The following OSTF1 variants were observed in gnomAD, a reference collection of about 807,000 sequenced individuals.
The protein encoded by OSTF1 is osteoclast stimulating factor 1, also known as osteoclast-stimulating factor 1.
A neutral mutation model predicts 37.2 loss-of-function variants in OSTF1; 27 were observed. That is an observed-to-expected ratio of 0.73 (90% CI 0.54 to 1.00). OSTF1 has a LOEUF of 1.00. Ranked by LOEUF, OSTF1 falls within the 50% of genes least tolerant of loss-of-function variation. OSTF1 has a pLI of 0.00. For missense variants in OSTF1, 232 were observed against 253.8 expected (o/e 0.91, Z 0.58); for synonymous variants, 82 against 89.2 (o/e 0.92, Z 0.46).
chr9:75,114,153 T>TTGTG (rs60557033), intron 1 of OSTF1, among the ~76,000 whole-genome samples: 7,888 of 150,574 alleles, frequency 0.052, 676 homozygotes, highest in African/African-American at 0.18. Flanking sequence ...TAGTATTCTA[T>TTGTG]TGTGTGTGTG....
chr9:75,136,886 C>T (rs1394320396), intron 7 of OSTF1, among the ~76,000 whole-genome samples: 1 of 152,184 alleles, frequency 6.6e-6, no homozygotes, highest in African/African-American at 2.4e-5. Flanking sequence ...AAGTGCCCTC[C>T]AGTCTCCTGC....
chr9:75,110,066 C>G (rs1479416475), intron 1 of OSTF1, among the ~76,000 whole-genome samples: 5 of 152,160 alleles, frequency 3.3e-5, no homozygotes, highest in Non-Finnish European at 5.9e-5. Flanking sequence ...ATTGATGAAT[C>G]TTCATTGATG....
chr9:75,095,363 G>A (rs1247037289), intron 1 of OSTF1, among the ~76,000 whole-genome samples: 1 of 152,156 alleles, frequency 6.6e-6, no homozygotes, highest in East Asian at 1.9e-4. Flanking sequence ...GTCTTAAACA[G>A]AAAAATCTCA....
intron 2 of OSTF1, among the ~76,000 whole-genome samples, chr9:75,122,810 A>C (rs1395363480): frequency 6.6e-6 from 1 of 152,274 alleles, no homozygotes; most frequent in South Asian, 2.1e-4. Context: ...TACGTGGCAC[A>C]TAATATATAC....
intron 1 of OSTF1, among the ~76,000 whole-genome samples, chr9:75,090,823 CA>C (rs2118357957): frequency 1.3e-5 from 2 of 152,176 alleles, no homozygotes; most frequent in South Asian, 4.1e-4. Flanking sequence ...GTACAAAAAA[CA>C]AAAACAGAAA....
At chr9:75,143,056 C>T (rs192146950) in intron 9 of OSTF1, among the ~76,000 whole-genome samples, 93 of 152,086 alleles carry the variant, frequency 6.1e-4, no homozygotes, top group African/African-American at 2.2e-3. Flanking sequence ...TCTCCTGCCT[C>T]AGCCTCCTGA....
At chr9:75,101,479 A>T (rs75727212) in intron 1 of OSTF1, among the ~76,000 whole-genome samples, 7,251 of 151,906 alleles carry the variant, frequency 0.048, 221 homozygotes, top group Middle Eastern at 0.082. Flanking sequence ...ACCTTTCTGA[A>T]CTCGTTTTCC....
At chr9:75,098,556 C>A (rs895063244) in intron 1 of OSTF1, among the ~76,000 whole-genome samples, 1 of 152,092 alleles carries the variant, frequency 6.6e-6, no homozygotes, top group South Asian at 2.1e-4. Context: ...GAATGGCCAT[C>A]GAGATACTGA....
chr9:75,132,067 G>GT (rs1825769434), intron 5 of OSTF1, among the ~76,000 whole-genome samples: 1 of 152,212 alleles, frequency 6.6e-6, no homozygotes, highest in Non-Finnish European at 1.5e-5. Context: ...AAACACTGTT[G>GT]TGGGGAGATG....
At chr9:75,126,403 A>C (rs928952501) in intron 2 of OSTF1, among the ~76,000 whole-genome samples, 1 of 152,070 alleles carries the variant, frequency 6.6e-6, no homozygotes, top group Non-Finnish European at 1.5e-5. Context: ...TCACATGTGA[A>C]ATTTGTGTCC....
chr9:75,127,625 T>G lies in OSTF1; in HGVS notation c.132+6T>G. On this transcript the variant is annotated splice_donor_region_variant and intron_variant, in intron 3 of 9. Transcript: ENST00000346234. The stretch of plus-strand genomic sequence containing the variant: ...TTATCTACATTACTGACATGGTAAG[T>G]CCAGATAACATCTTGTAATACCACA... 4.0e-6 allele frequency: 6 copies of G among 1,508,940 alleles called. No homozygotes were observed. The highest frequency in any genetic ancestry group is 5.5e-6 in the Non-Finnish European group (6 of 1,095,556). The allele number at this position is 1,508,940 out of a possible 1,614,324, so 93.5% of individuals were successfully genotyped here. A position where few individuals can be genotyped will look rare whatever the true frequency, so the allele number is the denominator to read the frequency against.
chr9:75,106,356 G>A (rs1825283604), intron 1 of OSTF1, among the ~76,000 whole-genome samples: 1 of 152,098 alleles, frequency 6.6e-6, no homozygotes, highest in Non-Finnish European at 1.5e-5. Context: ...AGAGCAGTGG[G>A]CTTTTAGGCT....
chr9:75,127,621 T>C lies in OSTF1; in HGVS notation c.132+2T>C. On this transcript the variant is annotated splice_donor_variant, in intron 3 of 9. Coordinates refer to ENST00000346234, the MANE Select transcript of OSTF1 (RefSeq NM_012383.5). LOFTEE classifies it high-confidence loss of function. Reference sequence around the variant, plus strand: ...GATATTATCTACATTACTGACATGGTAAGTCCAGATAACATCTTGTAATAC... The same window carrying C: ...GATATTATCTACATTACTGACATGGCAAGTCCAGATAACATCTTGTAATAC... 6.6e-7 allele frequency: 1 copy of C among 1,516,380 alleles called. No individual in the cohort carries two copies. The highest frequency in any genetic ancestry group is 9.1e-7 in the Non-Finnish European group (1 of 1,102,402). The allele number at this position is 1,516,380 out of a possible 1,614,324, so 93.9% of individuals were successfully genotyped here.
chr9:75,109,437 TATTA>T (rs1416129291), intron 1 of OSTF1, among the ~76,000 whole-genome samples: 3 of 152,260 alleles, frequency 2.0e-5, no homozygotes, highest in Non-Finnish European at 4.4e-5. Context: ...TTGGTAAATT[TATTA>T]ATTAAATATC....
At chr9:75,122,788 T>A (rs1315031449) in intron 2 of OSTF1, among the ~76,000 whole-genome samples, 3 of 152,222 alleles carry the variant, frequency 2.0e-5, no homozygotes, top group Non-Finnish European at 4.4e-5. Flanking sequence ...TATTTCTGAA[T>A]GCCCAGACCA....
chr9:75,090,061 A>G (rs1824934626), intron 1 of OSTF1, among the ~76,000 whole-genome samples: 1 of 152,132 alleles, frequency 6.6e-6, no homozygotes, highest in Non-Finnish European at 1.5e-5. Flanking sequence ...TCTGATGAGA[A>G]ATTTCCATTT....
At chr9:75,146,631 TG>T in intron 9 of OSTF1, 51 bp from the exon 10 acceptor site, 1 of 1,181,924 alleles carries the variant, frequency 8.5e-7, no homozygotes, top group South Asian at 1.3e-5. Context: ...AAATAAAATC[TG>T]AGCAGTTTAT....
intron 1 of OSTF1, among the ~76,000 whole-genome samples, chr9:75,090,931 T>A (rs537370768): frequency 4.6e-5 from 7 of 152,172 alleles, no homozygotes; most frequent in Admixed American, 1.3e-4. Context: ...AACAATCTTA[T>A]GAGATCAGTA....
chr9:75,098,111 A>G lies in OSTF1; in HGVS notation c.34+9385A>G, dbSNP rs78251435. On this transcript the variant is annotated intron_variant, in intron 1 of 9. Transcript: ENST00000346234. ...ATGCTAAATCTGATTTGAAATCTTC[A>G]TGGCCTCGTACTGGCCTCTCAAATA... 2.0e-5 allele frequency among the ~76,000 whole-genome samples: 3 copies of G among 152,232 alleles called. No homozygotes were observed. The East Asian group carries it at 5.8e-4, about 29-fold the overall frequency.
Sources: allele counts gnomAD v4.1 joint callset (sites outside exome capture counted in the v4.1 genomes callset), GRCh38; gene constraint gnomAD v4.1.1; transcripts MANE v1.5; gene names NCBI Gene and HGNC (gene_info 2026-07-23, HGNC 2026-07-21).